Variants in ZNF28 observed in about 807,000 individuals in gnomAD.
The protein encoded by ZNF28 is zinc finger protein 28, also known as zinc finger protein KOX24.
In ZNF28, 5 loss-of-function variants were observed where a neutral mutation model predicts 7.2. That is an observed-to-expected ratio of 0.70 (90% CI 0.36 to 1.46). The LOEUF is 1.46. ZNF28 is among the 40% of genes most tolerant of loss of function. ZNF28 has a pLI of 0.03. For synonymous variants in ZNF28, 288 were observed against 292.4 expected, an observed-to-expected ratio of 0.99 and a Z score of 0.15; for missense variants, 879 against 866.6, an observed-to-expected ratio of 1.01 and a Z score of -0.18.
At position 52,813,854 on chromosome 19, in the gene ZNF28, G is replaced by C. The variant is rs548450983; in HGVS notation, c.15+4090C>G. On this transcript the variant is annotated intron_variant, in intron 2 of 3. Transcript: ENST00000457749. ...GTTTTTCAGTTTTTTGTTTTGTTTT[G>C]TCTTCCTTTGCCTTTTTTCCCTTTT... Among the ~76,000 whole-genome samples the C allele has an allele frequency of 5.5e-5, 8 of 146,004 alleles. 1 individual carries two copies. Among genetic ancestry groups the C allele is most frequent in the Non-Finnish European group, 1.0e-4 (7 of 67,512 alleles).
chr19:52,818,572 G>C (rs1188972693), intron 1 of ZNF28, among the ~76,000 whole-genome samples: 2 of 152,042 alleles, frequency 1.3e-5, no homozygotes, highest in South Asian at 4.2e-4. Context: ...AAGTAGCCGG[G>C]CTTGATGCGC....
At chr19:52,817,863 C>T (rs1253181280) in intron 2 of ZNF28, 81 bp downstream of exon 2, 2 of 1,599,900 alleles carry the variant, frequency 1.3e-6, no homozygotes, top group Non-Finnish European at 1.7e-6. Context: ...ACACTTCAGA[C>T]TCAGAGAAGA....
intron 2 of ZNF28, chr19:52,810,754 G>GA (rs2063010767): frequency 1.1e-5 from 6 of 533,180 alleles, no homozygotes; most frequent in Admixed American, 3.3e-5. Flanking sequence ...GGAAAGAAGG[G>GA]GAAAAAAAAA....
At chr19:52,815,202 G>C (rs11670847) in intron 2 of ZNF28, among the ~76,000 whole-genome samples, 76,585 of 143,676 alleles carry the variant, frequency 0.53, 25,180 homozygotes, top group Non-Finnish European at 0.68. Flanking sequence ...GGCAGTGGGA[G>C]GAAGGAGAGG....
At chr19:52,810,243 C>A in intron 2 of ZNF28, 1 of 1,231,208 alleles carries the variant, frequency 8.1e-7, no homozygotes, top group Non-Finnish European at 1.2e-6. Context: ...GAATATGAGT[C>A]TACCTCCAGG....
At chr19:52,808,679 T>A (rs992722823) in intron 2 of ZNF28, among the ~76,000 whole-genome samples, 15 of 149,548 alleles carry the variant, frequency 1.0e-4, no homozygotes, top group African/African-American at 3.7e-4. Flanking sequence ...CTGGACCTGG[T>A]GGCAGGCACC....
chr19:52,802,559 C>A (rs2062885329), intron 3 of ZNF28, among the ~76,000 whole-genome samples: 1 of 151,920 alleles, frequency 6.6e-6, no homozygotes, highest in Non-Finnish European at 1.5e-5. Context: ...TGCCTGTAAT[C>A]CCAGCTACTT....
intron 2 of ZNF28, chr19:52,810,370 A>G: frequency 1.9e-6 from 3 of 1,604,972 alleles, no homozygotes; most frequent in Non-Finnish European, 2.6e-6. Context: ...GCTCACTTTC[A>G]TGGCTGTGGT....
At chr19:52,806,402 C>G (rs1217466888) in intron 3 of ZNF28, among the ~76,000 whole-genome samples, 1 of 152,022 alleles carries the variant, frequency 6.6e-6, no homozygotes, top group African/African-American at 2.4e-5. Context: ...ACATGTTAAC[C>G]AGGCTAGTTT....
chr19:52,813,249 G>GAAGAAAAAAA (rs1555806828), intron 2 of ZNF28, among the ~76,000 whole-genome samples: 1 of 62,984 alleles, frequency 1.6e-5, no homozygotes, highest in Non-Finnish European at 2.8e-5. Context: ...CTTGAATGGT[G>GAAGAAAAAAA]AAAAAAAAAA....
intron 1 of ZNF28, among the ~76,000 whole-genome samples, chr19:52,818,387 G>A (rs1402194087): frequency 6.6e-6 from 1 of 152,138 alleles, no homozygotes; most frequent in Non-Finnish European, 1.5e-5. Flanking sequence ...GACCAGCCTG[G>A]CCAACATGGA....
rs1352173459 is a variant in ZNF28, at chr19:52,819,141, T to C, written c.-73-1110A>G. On this transcript the variant is annotated intron_variant, in intron 1 of 3. Transcript: ENST00000457749. ...GAAAAAAGAGAAAAGCAAATGTGAC[T>C]GGGGCAGAGGGAGTCAGATGAGGGT... 1.4e-5 allele frequency among the ~76,000 whole-genome samples: 2 copies of C among 138,772 alleles called. 1 individual carries two copies. Among genetic ancestry groups the C allele is most frequent in the Admixed American group, 1.5e-4 (2 of 13,544 alleles). 91.0% of individuals were successfully genotyped at this position (138,772 alleles called of 152,430 possible).
chr19:52,818,313 G>T (rs1424206821), intron 1 of ZNF28, among the ~76,000 whole-genome samples: 1 of 152,168 alleles, frequency 6.6e-6, no homozygotes. Context: ...GCGCATCTGT[G>T]TGTCTGTGGT....
At chr19:52,803,370 G>C (rs1484116184) in intron 3 of ZNF28, among the ~76,000 whole-genome samples, 2 of 152,178 alleles carry the variant, frequency 1.3e-5, no homozygotes, top group Non-Finnish European at 2.9e-5. Flanking sequence ...ATGAGCCACT[G>C]CACCCTGTGG....
intron 2 of ZNF28, among the ~76,000 whole-genome samples, chr19:52,815,910 G>A (rs112211891): frequency 0.086 from 12,623 of 146,886 alleles, 2,309 homozygotes; most frequent in African/African-American, 0.22. Context: ...ACGTGAGTTT[G>A]CCTCTGTAAC....
intron 2 of ZNF28, among the ~76,000 whole-genome samples, chr19:52,813,839 TTTTTG>T (rs1291748562): frequency 6.8e-6 from 1 of 146,318 alleles, no homozygotes; most frequent in Non-Finnish European, 1.5e-5. Flanking sequence ...GTTTTTCAGT[TTTTTG>T]TTTTGTTTTG....
chr19:52,798,528 T>G lies in ZNF28; in HGVS notation c.*1160A>C, dbSNP rs927104174. ...ACACTGATGACATTTGTAAGATTTCTGTCCAGCATGGATTCTCTGATGTCT... is the reference window on the plus strand; with the variant it reads ...ACACTGATGACATTTGTAAGATTTCGGTCCAGCATGGATTCTCTGATGTCT... On this transcript the variant is annotated 3_prime_UTR_variant, in exon 4 of 4. Coordinates refer to ENST00000457749, the MANE Select transcript of ZNF28 (RefSeq NM_006969.5). 38 of 511,470 alleles carry G rather than the reference T, an allele frequency of 7.4e-5. No individual in the cohort carries two copies. In the Middle Eastern group the frequency reaches 9.6e-4, roughly 13 times the overall value. The allele number at this position is 511,470 out of a possible 1,614,324, so 31.7% of individuals were successfully genotyped here. A position where few individuals can be genotyped will look rare whatever the true frequency, so the allele number is the denominator to read the frequency against.
chr19:52,799,062 G>T lies in ZNF28; in HGVS notation c.*626C>A. The stretch of plus-strand genomic sequence containing the variant: ...TGAATTCTCCTGTCTTTCAAGCTGT[G>T]ATTTGTGACTGACAACTTTGTCACA... On this transcript the variant is annotated 3_prime_UTR_variant, in exon 4 of 4. Coordinates refer to ENST00000457749, the MANE Select transcript of ZNF28 (RefSeq NM_006969.5). 2.1e-6 allele frequency: 1 copy of T among 485,004 alleles called. No homozygotes were observed. Among genetic ancestry groups the T allele is most frequent in the Non-Finnish European group, 3.8e-6 (1 of 264,592 alleles). The allele number at this position is 485,004 out of a possible 1,614,324, so 30.0% of individuals were successfully genotyped here. A position where few individuals can be genotyped will look rare whatever the true frequency, so the allele number is the denominator to read the frequency against.
intron 1 of ZNF28, among the ~76,000 whole-genome samples, chr19:52,818,259 G>T (rs571183887): frequency 2.9e-4 from 44 of 152,248 alleles, no homozygotes; most frequent in Non-Finnish European, 5.1e-4. Context: ...TCCCCTTCAG[G>T]AAATCTCTAC....
Sources: allele counts gnomAD v4.1 joint callset (sites outside exome capture counted in the v4.1 genomes callset), GRCh38; gene constraint gnomAD v4.1.1; transcripts MANE v1.5; gene names NCBI Gene and HGNC (gene_info 2026-07-23, HGNC 2026-07-21).